EXOC6B: variants seen among roughly 807,000 people sequenced by gnomAD.
EXOC6B encodes SEC15 homolog B.
Under a neutral mutation model 113.5 loss-of-function variants are expected in EXOC6B, and 54 were observed. That is an observed-to-expected ratio of 0.48 (90% CI 0.38 to 0.60). The LOEUF is 0.60. EXOC6B is among the 20% of genes least tolerant of loss of function. EXOC6B has a pLI of 0.00. For missense variants in EXOC6B, 797 were observed against 977.5 expected (o/e 0.82, Z 2.46); for synonymous variants, 357 against 339.0 (o/e 1.05, Z -0.58).
intron 6 of EXOC6B, among the ~76,000 whole-genome samples, chr2:72,634,842 T>C (rs1413326925): frequency 2.0e-5 from 3 of 151,974 alleles, no homozygotes; most frequent in Non-Finnish European, 4.4e-5. Flanking sequence ...TATAAAAAGA[T>C]AGACCATATT....
intron 6 of EXOC6B, among the ~76,000 whole-genome samples, chr2:72,698,242 C>T (rs541956894): frequency 2.0e-5 from 3 of 152,224 alleles, no homozygotes; most frequent in South Asian, 2.1e-4. Flanking sequence ...AAGGAATCAC[C>T]GCTTCCTCTG....
At chr2:72,780,910 T>A (rs535776480) in intron 1 of EXOC6B, among the ~76,000 whole-genome samples, 56 of 152,316 alleles carry the variant, frequency 3.7e-4, no homozygotes, top group Admixed American at 1.2e-3. Context: ...GTTGTTTTTG[T>A]AATTGTTACA....
chr2:72,621,173 T>C (rs909394054), intron 6 of EXOC6B, among the ~76,000 whole-genome samples: 3 of 152,254 alleles, frequency 2.0e-5, no homozygotes, highest in Non-Finnish European at 4.4e-5. Flanking sequence ...GAAAAATATT[T>C]TGATCACTAT....
intron 6 of EXOC6B, among the ~76,000 whole-genome samples, chr2:72,664,295 T>C (rs1193219814): frequency 2.0e-5 from 3 of 151,432 alleles, no homozygotes. Flanking sequence ...TGAGACTCAG[T>C]AGAGAGGCAA....
chr2:72,339,827 T>C (rs17008077), intron 19 of EXOC6B, among the ~76,000 whole-genome samples: 16,156 of 152,190 alleles, frequency 0.11, 2,319 homozygotes, highest in African/African-American at 0.32. Context: ...TGTCAGTAAA[T>C]GTATCAGAGG....
chr2:72,544,187 C>T (rs546091308), intron 8 of EXOC6B, among the ~76,000 whole-genome samples: 9 of 152,140 alleles, frequency 5.9e-5, no homozygotes, highest in Non-Finnish European at 1.0e-4. Flanking sequence ...ATATCCACTC[C>T]TGAAACATTA....
At chr2:72,599,410 G>A (rs1443490161) in intron 6 of EXOC6B, among the ~76,000 whole-genome samples, 11 of 152,096 alleles carry the variant, frequency 7.2e-5, no homozygotes. Context: ...GAAACTTGAT[G>A]AAGAACATCC....
intron 19 of EXOC6B, among the ~76,000 whole-genome samples, chr2:72,378,535 T>A (rs1319986992): frequency 6.6e-6 from 1 of 152,218 alleles, no homozygotes; most frequent in East Asian, 1.9e-4. Flanking sequence ...TTCATGTAGT[T>A]TATCCAATTT....
At chr2:72,749,034 T>G (rs1681872762) in intron 1 of EXOC6B, among the ~76,000 whole-genome samples, 1 of 152,130 alleles carries the variant, frequency 6.6e-6, no homozygotes, top group African/African-American at 2.4e-5. Context: ...GGATTATTAG[T>G]GGCTTCACTT....
intron 17 of EXOC6B, among the ~76,000 whole-genome samples, chr2:72,479,399 C>A (rs17008211): frequency 6.6e-6 from 1 of 151,890 alleles, no homozygotes; most frequent in African/African-American, 2.4e-5. Flanking sequence ...TCTTCTCTTG[C>A]GCCTACTGTC....
At chr2:72,245,425 C>A (rs1262737524) in intron 20 of EXOC6B, among the ~76,000 whole-genome samples, 2 of 54,704 alleles carry the variant, frequency 3.7e-5, no homozygotes, top group African/African-American at 2.1e-3. Flanking sequence ...TGGACATCAC[C>A]CCACATGTAT....
chr2:72,783,558 G>A (rs978634976), intron 1 of EXOC6B, among the ~76,000 whole-genome samples: 3 of 151,768 alleles, frequency 2.0e-5, no homozygotes, highest in South Asian at 2.1e-4. Context: ...TCCTGACCTC[G>A]TGATCTGCCC....
intron 6 of EXOC6B, among the ~76,000 whole-genome samples, chr2:72,655,363 A>G (rs1420114048): frequency 6.6e-6 from 1 of 152,038 alleles, no homozygotes; most frequent in South Asian, 2.1e-4. Flanking sequence ...AGGGCAAACT[A>G]AAAAGAAAAA....
At chr2:72,420,397 C>A (rs1036350613) in intron 18 of EXOC6B, among the ~76,000 whole-genome samples, 2 of 152,070 alleles carry the variant, frequency 1.3e-5, no homozygotes, top group African/African-American at 4.8e-5. Flanking sequence ...AGCCACACAC[C>A]CCTAAACAGG....
chr2:72,457,091 T>C (rs1003439656), intron 18 of EXOC6B, among the ~76,000 whole-genome samples: 1 of 151,460 alleles, frequency 6.6e-6, no homozygotes, highest in Non-Finnish European at 1.5e-5. Flanking sequence ...GAGGAGAATC[T>C]TTGGTAAATG....
At chr2:72,339,737 C>T (rs1688914819) in intron 19 of EXOC6B, among the ~76,000 whole-genome samples, 1 of 152,004 alleles carries the variant, frequency 6.6e-6, no homozygotes, top group South Asian at 2.1e-4. Context: ...ACTGCCAATT[C>T]ATTTGAAATT....
intron 6 of EXOC6B, among the ~76,000 whole-genome samples, chr2:72,715,389 A>G (rs1011646848): frequency 6.6e-6 from 1 of 150,394 alleles, no homozygotes; most frequent in Admixed American, 6.7e-5. Context: ...TAAGGAATGT[A>G]TATTTCCCAG....
intron 6 of EXOC6B, among the ~76,000 whole-genome samples, chr2:72,652,985 A>AT (rs1359005062): frequency 3.3e-5 from 5 of 151,320 alleles, no homozygotes; most frequent in Admixed American, 6.6e-5. Flanking sequence ...AGTTATATAT[A>AT]TTTTTTTTAA....
At chr2:72,659,540 T>G (rs935963597) in intron 6 of EXOC6B, among the ~76,000 whole-genome samples, 1 of 152,160 alleles carries the variant, frequency 6.6e-6, no homozygotes, top group Non-Finnish European at 1.5e-5. Flanking sequence ...GCTATACAAC[T>G]GCAGACAGGC....
Sources: gnomAD v4.1 joint callset for allele counts (sites outside exome capture counted in the v4.1 genomes callset) on GRCh38, gnomAD v4.1.1 for gene constraint, MANE v1.5 for transcripts, NCBI Gene and HGNC (gene_info 2026-07-23, HGNC 2026-07-21) for gene names.